PARP4: variants seen among roughly 807,000 people sequenced by gnomAD.
The protein encoded by PARP4 is protein mono-ADP-ribosyltransferase PARP4.
Under a neutral mutation model 187.7 loss-of-function variants are expected in PARP4, and 120 were observed. The observed-to-expected ratio is 0.64, with a 90% CI of 0.55 to 0.74. The LOEUF (loss-of-function observed/expected upper bound fraction) is 0.74, where lower values mean the gene tolerates loss of function less well. Among genes scored for constraint, PARP4 ranks in the 30% least tolerant of loss-of-function variants. PARP4 has a pLI of 0.00. For synonymous variants in PARP4, 654 were observed against 740.9 expected, an observed-to-expected ratio of 0.88 and a Z score of 1.90; for missense variants, 1,836 against 2,070.5, an observed-to-expected ratio of 0.89 and a Z score of 2.20.
Position 24,505,139 on chromosome 13 carries a change from G to GAC in PARP4, c.-1-1364_-1-1363dup, listed in dbSNP as rs141835469. On this transcript the variant is annotated intron_variant, in intron 1 of 33. Transcript: ENST00000381989. ...GAAGAGAAGGTGAGGGTTAAAGAAA[G>GAC]ACACACACACACACACAGAGGAGAA... is the stretch of plus-strand genomic sequence containing the variant. Among the ~76,000 whole-genome samples, 1,250 of 150,090 alleles carry GAC rather than the reference G, an allele frequency of 8.3e-3. 10 individuals carry two copies. Among genetic ancestry groups the GAC allele is most frequent in the African/African-American group, 0.012 (473 of 40,874 alleles).
chr13:24,502,766 G>A (rs1869373339), intron 2 of PARP4, among the ~76,000 whole-genome samples: 1 of 152,244 alleles, frequency 6.6e-6, no homozygotes, highest in Non-Finnish European at 1.5e-5. Flanking sequence ...CATCTGTCCA[G>A]AGATGGTGAG....
chr13:24,501,681 T>C lies in PARP4; in HGVS notation c.286A>G (p.Lys96Glu). 6.2e-7 allele frequency: 1 copy of C among 1,613,624 alleles called. No homozygotes were observed. Among genetic ancestry groups the C allele is most frequent in the Non-Finnish European group, 8.5e-7 (1 of 1,179,568 alleles). Residue 96 changes from lysine (K) to glutamate (E), a missense_variant, in exon 3 of 34, where the codon AAG becomes GAG. By Grantham distance (56) the Lys-to-Glu change is moderately conservative. Coordinates refer to ENST00000381989, the MANE Select transcript of PARP4 (RefSeq NM_006437.4). ...LLDVKNYDPY[K>E]PLDITPPPDQ... ...GGAGGTGGTGTGATGTCCAGGGGCT[T>C]ATAAGGATCATAATTCTTTACATCC...
At position 24,460,440 on chromosome 13, in the gene PARP4, ACGTGGGCTCTGCTG is replaced by A. The variant is rs1455063658; in HGVS notation, c.2134-318_2134-305del. On this transcript the variant is annotated intron_variant, in intron 17 of 33. Coordinates refer to ENST00000381989, the MANE Select transcript of PARP4 (RefSeq NM_006437.4). Reference sequence around the variant, plus strand: ...GCTCTCATGTGTGAGCTCTCTGCACACGTGGGCTCTGCTGCACGGGTGGGCTCTGCTGCACGGGT... The same window carrying A: ...GCTCTCATGTGTGAGCTCTCTGCACACACGGGTGGGCTCTGCTGCACGGGT... 1.9e-3 allele frequency among the ~76,000 whole-genome samples: 280 copies of A among 145,526 alleles called. 1 individual carries two copies. Among genetic ancestry groups the A allele is most frequent in the African/African-American group, 7.2e-3 (265 of 36,916 alleles).
intron 1 of PARP4, 136 bp from the exon 2 acceptor site, chr13:24,503,913 A>G (rs1189228167): frequency 1.0e-5 from 7 of 697,034 alleles, no homozygotes; most frequent in Non-Finnish European, 1.7e-5. Flanking sequence ...TCAATAGAAC[A>G]TTGCAAAAAT....
chr13:24,434,607 G>A lies in PARP4; in HGVS notation c.4534C>T (p.Arg1512Ter), dbSNP rs755663352. 1.2e-5 allele frequency: 20 copies of A among 1,611,862 alleles called. No individual in the cohort carries two copies. Among genetic ancestry groups the A allele is most frequent in the African/African-American group, 4.0e-5 (3 of 74,860 alleles). The change falls in exon 31 of 34, where the codon CGA becomes TGA. Residue 1512 changes from arginine to a stop codon, truncating the protein, a stop_gained. Transcript: ENST00000381989. LOFTEE classifies it high-confidence loss of function. The stretch of plus-strand genomic sequence containing the variant: ...CTTTGAAAAGCAAAGACAGGACATC[G>A]ACTTCCTTCGAGACTGCCTACTGAT... ...EESVGSLEGS[R>*]CPVFAFQSSD...
chr13:24,485,693 G>A (rs1482170818), intron 11 of PARP4, among the ~76,000 whole-genome samples: 1 of 152,104 alleles, frequency 6.6e-6, no homozygotes, highest in East Asian at 1.9e-4. Flanking sequence ...GTTGTCTGAT[G>A]CACACTCTAA....
At chr13:24,504,307 C>CTTTTTTTTTT (rs11434017) in intron 1 of PARP4, among the ~76,000 whole-genome samples, 1 of 87,356 alleles carries the variant, frequency 1.1e-5, no homozygotes, top group Non-Finnish European at 2.0e-5. Flanking sequence ...CATTTAGGTT[C>CTTTTTTTTTT]TTTTTTTTTT....
chr13:24,455,505 A>ATATATATATC (rs1240200576), intron 21 of PARP4, among the ~76,000 whole-genome samples: 31 of 136,032 alleles, frequency 2.3e-4, no homozygotes, highest in Middle Eastern at 3.8e-3. Context: ...ATATATATAT[A>ATATATATATC]TCACACTATT....
At chr13:24,469,167 TGAA>T (rs950090249) in intron 16 of PARP4, 57 bp from the exon 17 acceptor site, 1 of 1,189,760 alleles carries the variant, frequency 8.4e-7, no homozygotes, top group African/African-American at 1.5e-5. Context: ...CAGGCTTTAA[TGAA>T]GAAAACAACA....
intron 1 of PARP4, 110 bp from the exon 2 acceptor site, chr13:24,503,887 T>C: frequency 3.4e-6 from 3 of 877,670 alleles, no homozygotes; most frequent in Middle Eastern, 2.2e-4. Flanking sequence ...TTAAGAAAGA[T>C]ATTGCAATCA....
In PARP4 at chr13:24,501,833, C is replaced by T. The variant is rs753025449; in HGVS notation, c.134G>A (p.Cys45Tyr). ...GKFSFSLNPQ[C>Y]THIILDNADV... ...AGCATTATCTAAGATTATATGTGTG[C>T]ACTAAGGAAAAAAAGAGTCAATCCA... Residue 45 changes from cysteine to tyrosine, a missense_variant and splice_region_variant, in exon 3 of 34, where the codon TGC (cysteine) becomes TAC (tyrosine). Physicochemically the swap from Cys to Tyr is radical, Grantham distance 194. This residue lies in a region of PARP4 where 1,147 missense variants were observed against 1,214.2 expected (regional missense o/e 0.94). Transcript: ENST00000381989. 6.3e-7 allele frequency: 1 copy of T among 1,581,110 alleles called. No individual in the cohort carries two copies. The highest frequency in any genetic ancestry group is 1.1e-5 in the South Asian group (1 of 88,704).
intron 31 of PARP4, among the ~76,000 whole-genome samples, chr13:24,433,980 G>C (rs1309430950): frequency 6.6e-6 from 1 of 152,156 alleles, no homozygotes; most frequent in Non-Finnish European, 1.5e-5. Flanking sequence ...TGACCTATGT[G>C]AAAATATTTA....
At chr13:24,498,302 G>GC in intron 5 of PARP4, 73 bp from the exon 6 acceptor site, 1 of 814,958 alleles carries the variant, frequency 1.2e-6, no homozygotes, top group Non-Finnish European at 2.0e-6. Flanking sequence ...TGAAAATGTT[G>GC]ATTATAATTA....
At chr13:24,421,451 A>C in intron 33 of PARP4, 137 bp from the exon 34 acceptor site, 1 of 1,020,638 alleles carries the variant, frequency 9.8e-7, no homozygotes, top group Non-Finnish European at 1.4e-6. Flanking sequence ...TTTCCTTGGC[A>C]TCTTACGGAA....
At chr13:24,479,285 C>T (rs1258832414) in intron 12 of PARP4, among the ~76,000 whole-genome samples, 1 of 152,130 alleles carries the variant, frequency 6.6e-6, no homozygotes, top group African/African-American at 2.4e-5. Context: ...TCCCCCATTC[C>T]TTCTAAAATC....
intron 8 of PARP4, among the ~76,000 whole-genome samples, chr13:24,493,130 G>A (rs768767039): frequency 2.0e-5 from 3 of 152,172 alleles, no homozygotes; most frequent in Non-Finnish European, 4.4e-5. Context: ...TCTTTTGTCT[G>A]CTCTTTTCAT....
chr13:24,421,022 T>A lies in PARP4; in HGVS notation c.*97A>T. ...TAAAGACAGTAATTGCTACACTGAA[T>A]GAAACCTTAATGAAGTTTCATTATA... On this transcript the variant is annotated 3_prime_UTR_variant, in exon 34 of 34. Transcript: ENST00000381989. 1.4e-6 allele frequency: 2 copies of A among 1,480,720 alleles called. No homozygotes were observed. The highest frequency in any genetic ancestry group is 1.8e-6 in the Non-Finnish European group (2 of 1,107,984). 91.7% of individuals were successfully genotyped at this position (1,480,720 alleles called of 1,614,324 possible).
intron 7 of PARP4, among the ~76,000 whole-genome samples, chr13:24,494,359 A>G (rs1240790976): frequency 2.0e-5 from 3 of 152,064 alleles, no homozygotes; most frequent in Non-Finnish European, 4.4e-5. Context: ...ATTCCTGGGT[A>G]ATGTTTTTCA....
intron 1 of PARP4, among the ~76,000 whole-genome samples, chr13:24,506,762 T>A (rs1323955928): frequency 6.6e-6 from 1 of 152,212 alleles, no homozygotes; most frequent in Admixed American, 6.5e-5. Context: ...CTTCACCCAG[T>A]GGATCCCATG....
Sources: gnomAD v4.1 joint callset for allele counts (sites outside exome capture counted in the v4.1 genomes callset) on GRCh38, gnomAD v4.1.1 for gene constraint, gnomAD v4.1.1 regional missense constraint, MANE v1.5 for transcripts, NCBI Gene and HGNC (gene_info 2026-07-23, HGNC 2026-07-21) for gene names.